ALG10B: variants seen among roughly 807,000 people sequenced by gnomAD.
The protein encoded by ALG10B is ALG10 alpha-1,2-glucosyltransferase B.
Under a neutral mutation model 38.7 loss-of-function variants are expected in ALG10B, and 27 were observed. That is an observed-to-expected ratio of 0.70 (90% confidence interval 0.51 to 0.96). The LOEUF (loss-of-function observed/expected upper bound fraction) is 0.96. Among genes scored for constraint, ALG10B ranks in the 40% least tolerant of loss-of-function variants. The pLI, the probability that ALG10B is intolerant of heterozygous loss-of-function variation, is 0.00. For missense variants in ALG10B, 522 were observed against 542.7 expected, an observed-to-expected ratio of 0.96 and a Z score of 0.38; for synonymous variants, 177 against 193.3, an observed-to-expected ratio of 0.92 and a Z score of 0.70.
In ALG10B at chr12:38,324,480, T is replaced by C. The variant is rs1945727639; in HGVS notation, c.*3267T>C. The C allele has an allele frequency of 6.6e-6, 1 of 152,314 alleles. No individual in the cohort carries two copies. The highest frequency in any genetic ancestry group is 2.4e-5 in the African/African-American group (1 of 41,474). 9.4% of individuals were successfully genotyped at this position (152,314 alleles called of 1,614,324 possible). ...TTGGCATTTTAAGAAAAGAATGCCA[T>C]GTATTAAAAGGTGCTATTTTCAACT... On this transcript the variant is annotated 3_prime_UTR_variant, in exon 3 of 3. Coordinates refer to ENST00000308742, the MANE Select transcript of ALG10B (RefSeq NM_001013620.4).
Position 38,316,932 on chromosome 12 carries a change from G to C in ALG10B, c.39G>C (p.Leu13Phe), listed in dbSNP as rs1190591490. The C allele has an allele frequency of 1.9e-6, 3 of 1,614,076 alleles. No individual in the cohort carries two copies. Among genetic ancestry groups the C allele is most frequent in the Non-Finnish European group, 2.5e-6 (3 of 1,180,046 alleles). The change falls in exon 1 of 3, where the codon TTG becomes TTC. Residue 13 changes from leucine (L) to phenylalanine (F), a missense_variant. Physicochemically the swap from Leu to Phe is conservative, Grantham distance 22. Coordinates refer to ENST00000308742, the MANE Select transcript of ALG10B (RefSeq NM_001013620.4). ...AGGGTTACTGTTTCTCGGCCGCCTT[G>C]AGCTGTACCTTTTTAGTGTCCTGCC... ...QLEGYCFSAA[L>F]SCTFLVSCLL...
At position 38,318,265 on chromosome 12, in the gene ALG10B, A is replaced by T; in HGVS notation, c.176A>T (p.Asp59Val). The change falls in exon 2 of 3, where the codon GAT becomes GTT. Residue 59 changes from aspartate (D) to valine (V), a missense_variant. By Grantham distance (152) the Asp-to-Val change is radical (BLOSUM62 -3). Transcript: ENST00000308742. ...TCATTTTCTTTCATTTTAAAGTGGG[A>T]TCCCATGATTACTACATTACCTGGC... ...CEGHFSLSQW[D>V]PMITTLPGLY... 3 of 1,614,036 alleles carry T rather than the reference A, an allele frequency of 1.9e-6. No individual in the cohort carries two copies. Among genetic ancestry groups the T allele is most frequent in the Non-Finnish European group, 2.5e-6 (3 of 1,179,986 alleles).
rs1300425670 is a variant in ALG10B at position 38,318,316 on chromosome 12, T to A, written c.227T>A (p.Val76Asp). ...PGLYLVSVGV[V>D]KPAIWIFAWS... ...TTGTACCTGGTGTCAGTTGGAGTGGTCAAACCTGCCATTTGGATCTTTGCA... is the reference window on the plus strand; with the variant it reads ...TTGTACCTGGTGTCAGTTGGAGTGGACAAACCTGCCATTTGGATCTTTGCA... Residue 76 changes from valine to aspartate, a missense_variant, in exon 2 of 3, where the codon GTC (valine) becomes GAC (aspartate). Transcript: ENST00000308742. The A allele has an allele frequency of 6.2e-7, 1 of 1,614,188 alleles. No homozygotes were observed.
chr12:38,329,456 A>G lies in ALG10B; in HGVS notation c.*8243A>G. 2.8e-6 allele frequency: 1 copy of G among 362,380 alleles called. No individual in the cohort carries two copies. 22.4% of individuals were successfully genotyped at this position (362,380 alleles called of 1,614,324 possible). On this transcript the variant is annotated 3_prime_UTR_variant, in exon 3 of 3. Coordinates refer to ENST00000308742, the MANE Select transcript of ALG10B (RefSeq NM_001013620.4). Reference sequence around the variant, plus strand: ...CTGTTTGGAAGCAAATTGTTGGTTTAACAGGACATACTTTAGATATTTGAA... The same window carrying G: ...CTGTTTGGAAGCAAATTGTTGGTTTGACAGGACATACTTTAGATATTTGAA...
chr12:38,320,184 C>A lies in ALG10B; in HGVS notation c.393C>A (p.Val131=). The part of the protein sequence containing the change: ...RNKAASSIQR[V]LSTLTLAVFP... ...AGGCTGCCTCAAGTATCCAGAGAGT[C>A]TTGTCAACATTAACACTAGCAGTAT... Residue 131 remains valine, a synonymous_variant, in exon 3 of 3, where the codon GTC becomes GTA. Transcript: ENST00000308742. 2 of 1,613,994 alleles carry A rather than the reference C, an allele frequency of 1.2e-6. No individual in the cohort carries two copies. Among genetic ancestry groups the A allele is most frequent in the Admixed American group, 3.3e-5 (2 of 60,018 alleles).
In ALG10B at chr12:38,327,284, G is replaced by C. The variant is rs1379278536; in HGVS notation, c.*6071G>C. ...CAACAAGAAAAATATTAAATGTATT[G>C]GTTTTTCACAGTGAAACTTAATTCA... is the stretch of plus-strand genomic sequence containing the variant. On this transcript the variant is annotated 3_prime_UTR_variant, in exon 3 of 3. Coordinates refer to ENST00000308742, the MANE Select transcript of ALG10B (RefSeq NM_001013620.4). 2 of 151,548 alleles carry C rather than the reference G, an allele frequency of 1.3e-5. No individual in the cohort carries two copies. Among genetic ancestry groups the C allele is most frequent in the Non-Finnish European group, 2.9e-5 (2 of 67,916 alleles). 9.4% of individuals were successfully genotyped at this position (151,548 alleles called of 1,614,324 possible). A position where few individuals can be genotyped will look rare whatever the true frequency, so the allele number is the denominator to read the frequency against.
chr12:38,317,233 A>T, intron 1 of ALG10B, 169 bp downstream of exon 1: 1 of 887,622 alleles, frequency 1.1e-6, no homozygotes, highest in Non-Finnish European at 1.7e-6. Flanking sequence ...GATCTGTGAA[A>T]TATTTATTAA....
Position 38,327,125 on chromosome 12 carries a change from T to C in ALG10B, c.*5912T>C, listed in dbSNP as rs893860034. ...GTGTGTATACATATAATTTCTCCTT[T>C]TTTTTTTTTGTAAGAATTGAGACAG... On this transcript the variant is annotated 3_prime_UTR_variant, in exon 3 of 3. Coordinates refer to ENST00000308742, the MANE Select transcript of ALG10B (RefSeq NM_001013620.4). 48 of 150,274 alleles carry C rather than the reference T, an allele frequency of 3.2e-4. No homozygotes were observed. Among genetic ancestry groups the C allele is most frequent in the African/African-American group, 1.0e-3 (41 of 40,956 alleles). 9.3% of individuals were successfully genotyped at this position (150,274 alleles called of 1,614,324 possible). A position where few individuals can be genotyped will look rare whatever the true frequency, so the allele number is the denominator to read the frequency against.
Position 38,325,624 on chromosome 12 carries a change from T to A in ALG10B, c.*4411T>A, listed in dbSNP as rs1945737694. ...AAGAATTGTGATATAAATTTGAAAA[T>A]TTTTAAATGGAAATTGAAATATGAC... On this transcript the variant is annotated 3_prime_UTR_variant, in exon 3 of 3. Coordinates refer to ENST00000308742, the MANE Select transcript of ALG10B (RefSeq NM_001013620.4). 6.6e-6 allele frequency: 1 copy of A among 152,194 alleles called. No homozygotes were observed. The highest frequency in any genetic ancestry group is 6.5e-5 in the Admixed American group (1 of 15,284). The allele number at this position is 152,194 out of a possible 1,614,324, so 9.4% of individuals were successfully genotyped here.
rs1591939074 is a variant in ALG10B, at chr12:38,322,890, C to T, written c.*1677C>T. 1 of 152,212 alleles carries T rather than the reference C, an allele frequency of 6.6e-6. No homozygotes were observed. The highest frequency in any genetic ancestry group is 2.4e-5 in the African/African-American group (1 of 41,462). The allele number at this position is 152,212 out of a possible 1,614,324, so 9.4% of individuals were successfully genotyped here. Reference sequence around the variant, plus strand: ...GTCTTTCTGTGCTTGGCTTATTTCACTTACCATAATGTCCTCCACGATCAT... The same window carrying T: ...GTCTTTCTGTGCTTGGCTTATTTCATTTACCATAATGTCCTCCACGATCAT... On this transcript the variant is annotated 3_prime_UTR_variant, in exon 3 of 3. Coordinates refer to ENST00000308742, the MANE Select transcript of ALG10B (RefSeq NM_001013620.4).
upstream of ALG10B, chr12:38,316,745 C>G (rs1386206259): frequency 3.9e-5 from 53 of 1,351,080 alleles, no homozygotes; most frequent in South Asian, 6.2e-4. Flanking sequence ...CGGATCCGCG[C>G]TCTCCCAGCA....
chr12:38,320,358 TATC>T lies in ALG10B; in HGVS notation c.571_573del (p.Ile191del), dbSNP rs780733368. 4 of 1,613,996 alleles carry T rather than the reference TATC, an allele frequency of 2.5e-6. No individual in the cohort carries two copies. Among genetic ancestry groups the T allele is most frequent in the South Asian group, 1.1e-5 (1 of 91,086 alleles). ...GTGGCTTCATGTTTCGGCAAACAAA[TATC>T]ATCTGGGCTGTCTTCTGTGCAGGGA... On this transcript the variant is annotated inframe_deletion, in exon 3 of 3. Coordinates refer to ENST00000308742, the MANE Select transcript of ALG10B (RefSeq NM_001013620.4).
rs1293932418 is a variant in ALG10B at position 38,323,292 on chromosome 12, G to A, written c.*2079G>A. ...CTATTAAAAAAAGTCAGAATTGAAA[G>A]AAAGTTGAGAAATCCTTTGGTCTGA... On this transcript the variant is annotated 3_prime_UTR_variant, in exon 3 of 3. Coordinates refer to ENST00000308742, the MANE Select transcript of ALG10B (RefSeq NM_001013620.4). 2 of 152,206 alleles carry A rather than the reference G, an allele frequency of 1.3e-5. No homozygotes were observed. Among genetic ancestry groups the A allele is most frequent in the Non-Finnish European group, 2.9e-5 (2 of 68,066 alleles). The allele number at this position is 152,206 out of a possible 1,614,324, so 9.4% of individuals were successfully genotyped here. A position where few individuals can be genotyped will look rare whatever the true frequency, so the allele number is the denominator to read the frequency against.
At position 38,321,296 on chromosome 12, in the gene ALG10B, G is replaced by A; in HGVS notation, c.*83G>A. ...GAACAACTGAATAGGTGGAAAACAT[G>A]GAATTTCTTTTAGGTGCAGTGGTGG... On this transcript the variant is annotated 3_prime_UTR_variant, in exon 3 of 3. Transcript: ENST00000308742. 3 of 1,431,102 alleles carry A rather than the reference G, an allele frequency of 2.1e-6. No homozygotes were observed. The highest frequency in any genetic ancestry group is 1.4e-5 in the African/African-American group (1 of 70,124). 88.7% of individuals were successfully genotyped at this position (1,431,102 alleles called of 1,614,324 possible).
rs1359807066 is a variant in ALG10B, at chr12:38,321,456, C to T, written c.*243C>T. The T allele has an allele frequency of 2.9e-6, 1 of 339,312 alleles. No individual in the cohort carries two copies. The highest frequency in any genetic ancestry group is 5.3e-6 in the Non-Finnish European group (1 of 189,144). 21.0% of individuals were successfully genotyped at this position (339,312 alleles called of 1,614,324 possible). On this transcript the variant is annotated 3_prime_UTR_variant, in exon 3 of 3. Transcript: ENST00000308742. ...AAAATAAAATTGTTTTCAGATATCT[C>T]ATATCGCTCTCGTAATGTTGGCCCC...
At chr12:38,318,011 C>G (rs1212896527) in intron 1 of ALG10B, 1 of 519,584 alleles carries the variant, frequency 1.9e-6, no homozygotes, top group Non-Finnish European at 3.4e-6. Context: ...AAGAACATTT[C>G]TTGGAAAATA....
chr12:38,320,113 AGCAT>A, intron 2 of ALG10B, 44 bp from the exon 3 acceptor site: 1 of 1,607,100 alleles, frequency 6.2e-7, no homozygotes, highest in Non-Finnish European at 8.5e-7. Flanking sequence ...AAGCAGAAAT[AGCAT>A]TTATCATTAA....
rs149150389 is a variant in ALG10B, at chr12:38,316,898, C to T, written c.5C>T (p.Ala2Val). 6.2e-7 allele frequency: 1 copy of T among 1,614,106 alleles called. No homozygotes were observed. The highest frequency in any genetic ancestry group is 1.7e-5 in the Admixed American group (1 of 60,008). ...GCAGTGGCTGTGGGAGCAGGAATGG[C>T]GCAGCTAGAGGGTTACTGTTTCTCG... M[A>V]QLEGYCFSAA... The change falls in exon 1 of 3, where the codon GCG (alanine) becomes GTG (valine). Residue 2 changes from alanine to valine, a missense_variant. Transcript: ENST00000308742.
At position 38,329,048 on chromosome 12, in the gene ALG10B, C is replaced by T; in HGVS notation, c.*7835C>T. 1 of 395,152 alleles carries T rather than the reference C, an allele frequency of 2.5e-6. No individual in the cohort carries two copies. Among genetic ancestry groups the T allele is most frequent in the Non-Finnish European group, 4.5e-6 (1 of 224,306 alleles). The allele number at this position is 395,152 out of a possible 1,614,324, so 24.5% of individuals were successfully genotyped here. A position where few individuals can be genotyped will look rare whatever the true frequency, so the allele number is the denominator to read the frequency against. ...GACTCCAAAATCAATATTCTTAACT[C>T]TATTGTTATGATGGAGAAAGGCATG... On this transcript the variant is annotated 3_prime_UTR_variant, in exon 3 of 3. Coordinates refer to ENST00000308742, the MANE Select transcript of ALG10B (RefSeq NM_001013620.4).
Sources: allele counts gnomAD v4.1 joint callset, GRCh38; gene constraint gnomAD v4.1.1; transcripts MANE v1.5; gene names NCBI Gene and HGNC (gene_info 2026-07-23, HGNC 2026-07-21).